ERC1: variants seen among roughly 807,000 people sequenced by gnomAD.
The protein encoded by ERC1 is ELKS/RAB6-interacting/CAST family member 1.
A neutral mutation model predicts 132.0 loss-of-function variants in ERC1; 56 were observed. That is an observed-to-expected ratio of 0.42 (90% confidence interval 0.34 to 0.53). The LOEUF is 0.53. Ranked by LOEUF, ERC1 falls within the 20% of genes least tolerant of loss-of-function variation. The probability of loss-of-function intolerance (pLI) is 0.03; values close to 1 mark genes in which losing one functional copy is unlikely to be tolerated. For missense variants in ERC1, 1,202 were observed against 1,349.9 expected (o/e 0.89, Z 1.72); for synonymous variants, 478 against 476.1 (o/e 1.00, Z -0.05).
intron 17 of ERC1, among the ~76,000 whole-genome samples, chr12:1,433,978 C>CAA (rs763612916): frequency 0.01 from 469 of 45,594 alleles, 10 homozygotes; most frequent in African/African-American, 0.03. Context: ...GACCCTGTCT[C>CAA]AAAAAAAAAA....
At chr12:1,238,875 T>C (rs906183360) in intron 13 of ERC1, among the ~76,000 whole-genome samples, 18 of 152,128 alleles carry the variant, frequency 1.2e-4, no homozygotes, top group Non-Finnish European at 2.2e-4. Context: ...ATTTATATTT[T>C]ACCTATAGGG....
intron 7 of ERC1, among the ~76,000 whole-genome samples, chr12:1,137,214 T>C (rs1439313218): frequency 2.0e-5 from 3 of 149,742 alleles, no homozygotes; most frequent in Non-Finnish European, 4.4e-5. Context: ...TTCTCCTGCC[T>C]CAGCCTCCCG....
At chr12:1,458,645 C>T (rs2093589396) in intron 18 of ERC1, among the ~76,000 whole-genome samples, 1 of 151,988 alleles carries the variant, frequency 6.6e-6, no homozygotes, top group Admixed American at 6.5e-5. Flanking sequence ...AGTGATTCTC[C>T]TGCCTCAGCC....
chr12:1,341,763 A>T (rs979444034), intron 15 of ERC1, among the ~76,000 whole-genome samples: 1 of 152,212 alleles, frequency 6.6e-6, no homozygotes, highest in South Asian at 2.1e-4. Context: ...ATACCTGTGT[A>T]TGAAACCTGC....
intron 17 of ERC1, among the ~76,000 whole-genome samples, chr12:1,418,720 T>G (rs1232494623): frequency 1.4e-5 from 2 of 141,028 alleles, no homozygotes; most frequent in South Asian, 4.6e-4. Flanking sequence ...CTTTCTTTCT[T>G]TCTTTTTGGA....
At chr12:1,314,800 T>G (rs1042034835) in intron 15 of ERC1, among the ~76,000 whole-genome samples, 3 of 152,200 alleles carry the variant, frequency 2.0e-5, no homozygotes, top group Non-Finnish European at 4.4e-5. Context: ...ATAAAAATTA[T>G]TTCTTTGTTC....
intron 7 of ERC1, among the ~76,000 whole-genome samples, chr12:1,137,929 TATATA>T (rs1334839858): frequency 2.3e-5 from 3 of 129,966 alleles, no homozygotes; most frequent in Admixed American, 8.2e-5. Context: ...TAATACATAT[TATATA>T]ATATATAATA....
At chr12:1,160,094 A>AGAAT (rs1951750223) in intron 8 of ERC1, among the ~76,000 whole-genome samples, 1 of 151,614 alleles carries the variant, frequency 6.6e-6, no homozygotes, top group Non-Finnish European at 1.5e-5. Context: ...ATTTAGTCTG[A>AGAAT]CAAGTCTTGA....
chr12:1,091,459 C>T (rs749039901), intron 3 of ERC1, among the ~76,000 whole-genome samples: 2 of 152,028 alleles, frequency 1.3e-5, no homozygotes, highest in African/African-American at 2.4e-5. Flanking sequence ...TTTGAGGAAA[C>T]AGGAGGGAGG....
chr12:1,440,425 C>T (rs539749048), intron 17 of ERC1, among the ~76,000 whole-genome samples: 40 of 150,608 alleles, frequency 2.7e-4, no homozygotes, highest in Non-Finnish European at 3.5e-4. Context: ...CCAGGATGGT[C>T]TCGATCTCCT....
intron 12 of ERC1, among the ~76,000 whole-genome samples, chr12:1,213,629 T>C (rs1958085664): frequency 6.6e-6 from 1 of 150,462 alleles, no homozygotes; most frequent in Non-Finnish European, 1.5e-5. Context: ...CTTAGCTACT[T>C]GGGAGGCTGA....
intron 2 of ERC1, among the ~76,000 whole-genome samples, chr12:1,037,075 A>G (rs992745845): frequency 6.6e-6 from 1 of 152,220 alleles, no homozygotes; most frequent in African/African-American, 2.4e-5. Flanking sequence ...TGCTTCTTTT[A>G]CAGTTGGTAA....
At chr12:990,817 C>G (rs1280290285), upstream of ERC1, among the ~76,000 whole-genome samples, 1 of 151,642 alleles carries the variant, frequency 6.6e-6, no homozygotes, top group Non-Finnish European at 1.5e-5. Flanking sequence ...TTTGGGAAGA[C>G]ACGAAGCGGC....
rs149359310 is a variant in ERC1, at chr12:1,167,970, T to A, written c.1738-12570T>A. Among the ~76,000 whole-genome samples, 628 of 152,198 alleles carry A rather than the reference T, an allele frequency of 4.1e-3. 3 individuals carry two copies. Among genetic ancestry groups the A allele is most frequent in the African/African-American group, 0.013 (551 of 41,514 alleles). On this transcript the variant is annotated intron_variant, in intron 8 of 18. Coordinates refer to ENST00000360905, the MANE Select transcript of ERC1 (RefSeq NM_178040.4). ...ACCTTGTGATCCACCCACCTTGGCC[T>A]CCCCAAGTGCTGGGATTGCAGGCGT...
chr12:1,479,246 C>T (rs1334723074), intron 18 of ERC1, among the ~76,000 whole-genome samples: 1 of 152,046 alleles, frequency 6.6e-6, no homozygotes, highest in Non-Finnish European at 1.5e-5. Flanking sequence ...TCTTGGTGGC[C>T]GTCTTGGCTG....
intron 13 of ERC1, among the ~76,000 whole-genome samples, chr12:1,255,621 C>CTTTTGTTTTTTTT (rs1566399460): frequency 3.2e-5 from 2 of 61,558 alleles, no homozygotes; most frequent in African/African-American, 1.2e-4. Context: ...GCTTCCTGGC[C>CTTTTGTTTTTTTT]TTTTTTTTTT....
chr12:1,397,354 A>G (rs763190182), intron 16 of ERC1, among the ~76,000 whole-genome samples: 2 of 152,210 alleles, frequency 1.3e-5, no homozygotes, highest in Admixed American at 6.5e-5. Context: ...TAACATATAC[A>G]CAAGGAAATT....
chr12:1,265,525 C>T (rs1051708928), intron 14 of ERC1, among the ~76,000 whole-genome samples: 3 of 152,134 alleles, frequency 2.0e-5, no homozygotes, highest in African/African-American at 7.2e-5. Context: ...TAACATGTTG[C>T]GCCAGTGTAG....
At chr12:1,146,797 C>T (rs564542828) in intron 8 of ERC1, among the ~76,000 whole-genome samples, 26 of 151,296 alleles carry the variant, frequency 1.7e-4, no homozygotes, top group Non-Finnish European at 3.2e-4. Flanking sequence ...CAACAGTCCC[C>T]GGAGTGTGAT....
Sources: gnomAD v4.1 joint callset for allele counts (sites outside exome capture counted in the v4.1 genomes callset) on GRCh38, gnomAD v4.1.1 for gene constraint, MANE v1.5 for transcripts, NCBI Gene and HGNC (gene_info 2026-07-23, HGNC 2026-07-21) for gene names.